The following EPHA3 variants were observed in gnomAD, a reference collection of about 807,000 sequenced individuals.
EPHA3 encodes EPH receptor A3.
A neutral mutation model predicts 107.1 loss-of-function variants in EPHA3; 42 were observed. That is an observed-to-expected ratio of 0.39 (90% CI 0.31 to 0.51). The LOEUF is 0.51. Among genes scored for constraint, EPHA3 ranks in the 20% least tolerant of loss-of-function variants. The pLI, the probability that EPHA3 is intolerant of heterozygous loss-of-function variation, is 0.78. For synonymous variants in EPHA3, 461 were observed against 424.8 expected, an observed-to-expected ratio of 1.09 and a Z score of -1.05; for missense variants, 1,183 against 1,211.2, an observed-to-expected ratio of 0.98 and a Z score of 0.35.
intron 14 of EPHA3, 42 bp downstream of exon 14, chr3:89,449,416 G>T (rs1709943735): frequency 6.7e-7 from 1 of 1,503,166 alleles, no homozygotes. Context: ...CAGATGAAAA[G>T]ATCAAGCTGT....
At chr3:89,191,955 G>T (rs1243601557) in intron 2 of EPHA3, among the ~76,000 whole-genome samples, 3 of 152,170 alleles carry the variant, frequency 2.0e-5, no homozygotes, top group Non-Finnish European at 4.4e-5. Context: ...AGGTAAAGTA[G>T]TCATAAAATG....
At chr3:89,375,930 G>A (rs1200371208) in intron 5 of EPHA3, among the ~76,000 whole-genome samples, 1 of 151,998 alleles carries the variant, frequency 6.6e-6, no homozygotes, top group Non-Finnish European at 1.5e-5. Context: ...CAATGAGAAT[G>A]TTTCAGATCT....
chr3:89,310,379 AT>A (rs933110298), intron 3 of EPHA3, among the ~76,000 whole-genome samples: 11 of 151,994 alleles, frequency 7.2e-5, no homozygotes, highest in South Asian at 4.2e-4. Context: ...AAATTCATTA[AT>A]TTTTTTTAAA....
At chr3:89,140,312 T>C (rs1408868546) in intron 2 of EPHA3, among the ~76,000 whole-genome samples, 2 of 151,866 alleles carry the variant, frequency 1.3e-5, no homozygotes, top group African/African-American at 2.4e-5. Context: ...TAAAAATTAG[T>C]ATATCATTTT....
chr3:89,427,482 T>A (rs1417493670), intron 11 of EPHA3, among the ~76,000 whole-genome samples: 1 of 151,924 alleles, frequency 6.6e-6, no homozygotes, highest in African/African-American at 2.4e-5. Flanking sequence ...TTGTTTAACA[T>A]CTGTTATTTG....
chr3:89,277,030 C>T (rs1705823657), intron 3 of EPHA3, among the ~76,000 whole-genome samples: 1 of 151,964 alleles, frequency 6.6e-6, no homozygotes, highest in African/African-American at 2.4e-5. Context: ...CTCCTTAATC[C>T]ACCTCCCCAA....
At position 89,179,609 on chromosome 3, in the gene EPHA3, G is replaced by A. The variant is rs1369630417; in HGVS notation, c.154-30251G>A. Among the ~76,000 whole-genome samples the A allele has an allele frequency of 2.7e-5, 4 of 150,522 alleles. No homozygotes were observed. The Admixed American group carries it at 2.7e-4, about 10-fold the overall frequency. ...TGTGTGGTTAACTGTAGTGAAGACA[G>A]CCTTTGAGCCCAATGCTAAGTGTTA... is the stretch of plus-strand genomic sequence containing the variant. On this transcript the variant is annotated intron_variant, in intron 2 of 16. Transcript: ENST00000336596.
At position 89,145,874 on chromosome 3, in the gene EPHA3, T is replaced by C. The variant is rs181047433; in HGVS notation, c.153+18601T>C. Among the ~76,000 whole-genome samples the C allele has an allele frequency of 2.8e-4, 43 of 151,888 alleles. 2 individuals are homozygous for C. The East Asian group carries it at 6.4e-3, about 23-fold the overall frequency. ...AAGAAGACACCACTGTGTAATAATA[T>C]CTTTGGCTTTAAAATAAGTTGCATA... On this transcript the variant is annotated intron_variant, in intron 2 of 16. Transcript: ENST00000336596.
intron 5 of EPHA3, among the ~76,000 whole-genome samples, chr3:89,356,420 C>T (rs912296007): frequency 2.0e-5 from 3 of 151,150 alleles, no homozygotes; most frequent in Non-Finnish European, 3.0e-5. Context: ...CTGACTTCCA[C>T]AATGTTTGGA....
chr3:89,176,253 A>C (rs769059388), intron 2 of EPHA3, among the ~76,000 whole-genome samples: 41 of 152,174 alleles, frequency 2.7e-4, no homozygotes, highest in Non-Finnish European at 5.3e-4. Flanking sequence ...AGGCGGAGGC[A>C]GGAGGATCAC....
chr3:89,219,950 C>T (rs1476101119), intron 3 of EPHA3, among the ~76,000 whole-genome samples: 2 of 148,980 alleles, frequency 1.3e-5, no homozygotes, highest in East Asian at 4.0e-4. Context: ...CCTCGTGATC[C>T]GCCCGCCTCG....
intron 3 of EPHA3, among the ~76,000 whole-genome samples, chr3:89,275,990 C>T (rs913921014): frequency 2.0e-5 from 3 of 151,940 alleles, no homozygotes; most frequent in Non-Finnish European, 2.9e-5. Context: ...GGTGTCTGAA[C>T]TAGAACCAGC....
At chr3:89,435,433 C>G (rs760336294) in intron 13 of EPHA3, among the ~76,000 whole-genome samples, 1 of 145,256 alleles carries the variant, frequency 6.9e-6, no homozygotes, top group African/African-American at 2.5e-5. Flanking sequence ...GACTTCATCT[C>G]TGTTAAAAAA....
At chr3:89,385,060 ATAT>A (rs1482656968) in intron 5 of EPHA3, among the ~76,000 whole-genome samples, 34 of 152,340 alleles carry the variant, frequency 2.2e-4, no homozygotes, top group African/African-American at 7.9e-4. Context: ...ATAAATACAA[ATAT>A]TATACATACA....
At chr3:89,197,069 T>C (rs913834186) in intron 2 of EPHA3, among the ~76,000 whole-genome samples, 1 of 152,170 alleles carries the variant, frequency 6.6e-6, no homozygotes, top group African/African-American at 2.4e-5. Flanking sequence ...ATGTCACTCC[T>C]CTATTCAAAC....
chr3:89,149,131 T>A (rs1466231245), intron 2 of EPHA3, among the ~76,000 whole-genome samples: 1 of 151,978 alleles, frequency 6.6e-6, no homozygotes, highest in Non-Finnish European at 1.5e-5. Flanking sequence ...TCATAAAATA[T>A]TATATGGTTC....
intron 10 of EPHA3, among the ~76,000 whole-genome samples, chr3:89,415,297 G>A (rs1346782210): frequency 2.7e-5 from 4 of 150,342 alleles, no homozygotes; most frequent in Admixed American, 2.0e-4. Flanking sequence ...GGCAACCTTG[G>A]TTGGTATATA....
At chr3:89,181,518 G>GA (rs1207307207) in intron 2 of EPHA3, among the ~76,000 whole-genome samples, 2 of 151,862 alleles carry the variant, frequency 1.3e-5, no homozygotes, top group African/African-American at 4.8e-5. Flanking sequence ...CAAATAAACA[G>GA]AAAAATAAAT....
At chr3:89,184,839 T>C (rs1238360799) in intron 2 of EPHA3, among the ~76,000 whole-genome samples, 1 of 151,974 alleles carries the variant, frequency 6.6e-6, no homozygotes, top group Non-Finnish European at 1.5e-5. Context: ...AGCAGTGATA[T>C]TAGAATGTGA....
Sources: gnomAD v4.1 joint callset for allele counts (sites outside exome capture counted in the v4.1 genomes callset) on GRCh38, gnomAD v4.1.1 for gene constraint, MANE v1.5 for transcripts, NCBI Gene and HGNC (gene_info 2026-07-23, HGNC 2026-07-21) for gene names.